Variants in RRAGB observed in about 807,000 individuals in gnomAD.
RRAGB encodes the protein ras-related GTP-binding protein B.
In RRAGB, 6 loss-of-function variants were observed where a neutral mutation model predicts 29.3. That is an observed-to-expected ratio of 0.21 (90% CI 0.11 to 0.40). RRAGB has a LOEUF of 0.40. RRAGB is among the 10% of genes least tolerant of loss of function. RRAGB has a pLI of 1.00. For synonymous variants in RRAGB, 101 were observed against 92.5 expected (o/e 1.09, Z -0.53); for missense variants, 184 against 272.9 (o/e 0.67, Z 2.29).
chrX:55,729,128 A>G lies in RRAGB; in HGVS notation c.227-166A>G, dbSNP rs1159900067. On this transcript the variant is annotated intron_variant, in intron 3 of 9. Transcript: ENST00000374941. ...ATAGCCCAGGGTAGTTTAGGTGCCT[A>G]CCTTGCCACTAAACCACACTACTCA... is the stretch of plus-strand genomic sequence containing the variant. Among the ~76,000 whole-genome samples, 5 of 111,247 alleles carry G rather than the reference A, an allele frequency of 4.5e-5. No homozygotes were observed. The East Asian group carries it at 1.1e-3, about 25-fold the overall frequency.
At chrX:55,755,253 A>G (rs974856768) in intron 7 of RRAGB, 7 of 749,282 alleles carry the variant, frequency 9.3e-6, no homozygotes, top group African/African-American at 2.3e-5. Context: ...GCATCTGTAT[A>G]TTCAGCCTAT....
intron 3 of RRAGB, among the ~76,000 whole-genome samples, chrX:55,726,782 C>T (rs917371149): frequency 9.0e-6 from 1 of 111,528 alleles, no homozygotes; most frequent in African/African-American, 3.3e-5. Flanking sequence ...GTTACATATA[C>T]TTGGATACGT....
chrX:55,729,414 C>T lies in RRAGB; in HGVS notation c.293+54C>T, dbSNP rs941093679. 5.3e-5 allele frequency: 41 copies of T among 780,745 alleles called. No homozygotes were observed. The Admixed American group carries it at 9.5e-4, about 18-fold the overall frequency. The allele number at this position is 780,745 out of a possible 1,213,427, so 64.3% of individuals were successfully genotyped here. The stretch of plus-strand genomic sequence containing the variant: ...AAGCCGATGTCAGTAATCGTGGCAT[C>T]TAGTATATCAGCATGGCGAATACAC... On this transcript the variant is annotated intron_variant, in intron 4 of 9. Coordinates refer to ENST00000374941, the MANE Select transcript of RRAGB (RefSeq NM_006064.5).
intron 6 of RRAGB, among the ~76,000 whole-genome samples, 164 bp from the exon 7 acceptor site, chrX:55,753,228 T>C (rs2034569424): frequency 8.9e-6 from 1 of 112,787 alleles, no homozygotes; most frequent in Non-Finnish European, 1.9e-5. Context: ...GCTAGCTTCA[T>C]TTTCTCATTT....
At chrX:55,755,802 ATTTT>A (rs1774381554) in intron 7 of RRAGB, 35 bp from the exon 8 acceptor site, 1 of 1,169,938 alleles carries the variant, frequency 8.5e-7, no homozygotes. Context: ...TGATGTAACT[ATTTT>A]GCATGGATTC....
chrX:55,720,730 TA>T (rs2033241317), intron 2 of RRAGB, among the ~76,000 whole-genome samples: 1 of 107,617 alleles, frequency 9.3e-6, no homozygotes, highest in Non-Finnish European at 1.9e-5. Flanking sequence ...TGCATGCCTG[TA>T]ATCCCAGGCA....
At chrX:55,740,847 C>G (rs1270171211) in intron 5 of RRAGB, among the ~76,000 whole-genome samples, 1 of 110,952 alleles carries the variant, frequency 9.0e-6, no homozygotes, top group Non-Finnish European at 1.9e-5. Flanking sequence ...CAAACAGTGA[C>G]TATGACTTTT....
At chrX:55,753,810 C>T (rs1411366917) in intron 7 of RRAGB, among the ~76,000 whole-genome samples, 1 of 111,910 alleles carries the variant, frequency 8.9e-6, no homozygotes, top group African/African-American at 3.2e-5. Flanking sequence ...TTTGGGAGGC[C>T]GAGGCGGGTG....
intron 5 of RRAGB, among the ~76,000 whole-genome samples, chrX:55,736,209 G>A (rs997331679): frequency 1.8e-5 from 2 of 111,952 alleles, no homozygotes; most frequent in African/African-American, 6.5e-5. Context: ...CAAGCTTTTT[G>A]CTTTTTCTTC....
At position 55,731,348 on chromosome X, in the gene RRAGB, A is replaced by G; in HGVS notation, c.294-16A>G. 2.6e-6 allele frequency: 3 copies of G among 1,145,058 alleles called. No individual in the cohort carries two copies. The highest frequency in any genetic ancestry group is 3.6e-6 in the Non-Finnish European group (3 of 841,018). 94.4% of individuals were successfully genotyped at this position (1,145,058 alleles called of 1,213,427 possible). ...AATTGAGGATTTGCTTACTATATAT[A>G]TATTTTTTCTATCAGGCAAGACACC... On this transcript the variant is annotated splice_polypyrimidine_tract_variant and intron_variant, in intron 4 of 9. Transcript: ENST00000374941.
At chrX:55,749,478 C>T (rs2034441353) in intron 5 of RRAGB, among the ~76,000 whole-genome samples, 1 of 110,418 alleles carries the variant, frequency 9.1e-6, no homozygotes, top group Admixed American at 9.4e-5. Flanking sequence ...TGTCCGGCCG[C>T]CCCTACTGGG....
At chrX:55,738,391 A>G (rs2033938748) in intron 5 of RRAGB, among the ~76,000 whole-genome samples, 1 of 111,987 alleles carries the variant, frequency 8.9e-6, no homozygotes, top group African/African-American at 3.2e-5. Context: ...GTGGATCTGG[A>G]CCAAGCTGTC....
At chrX:55,729,072 A>G (rs185687969) in intron 3 of RRAGB, among the ~76,000 whole-genome samples, 2 of 111,186 alleles carry the variant, frequency 1.8e-5, no homozygotes, top group African/African-American at 6.6e-5. Flanking sequence ...ACTACTAAAA[A>G]GTGAAATGAC....
intron 5 of RRAGB, among the ~76,000 whole-genome samples, chrX:55,745,631 G>A (rs2034218073): frequency 8.9e-6 from 1 of 112,018 alleles, no homozygotes; most frequent in Non-Finnish European, 1.9e-5. Flanking sequence ...GTCTGATGGT[G>A]GCACTAACCT....
chrX:55,730,749 G>C (rs1419068544), intron 4 of RRAGB, among the ~76,000 whole-genome samples: 1 of 111,733 alleles, frequency 8.9e-6, no homozygotes, highest in East Asian at 2.8e-4. Context: ...GATAGTAACA[G>C]ACATGGAACT....
chrX:55,751,706 T>C (rs1007153), intron 6 of RRAGB: 57,140 of 111,015 alleles, frequency 0.51, 12,957 homozygotes, highest in East Asian at 0.74. Context: ...GAGACAAGCA[T>C]TCTTTCAACC....
intron 3 of RRAGB, among the ~76,000 whole-genome samples, chrX:55,724,083 ATCC>A (rs991167528): frequency 2.7e-5 from 3 of 112,355 alleles, no homozygotes; most frequent in Non-Finnish European, 3.8e-5. Flanking sequence ...TCTAACATGT[ATCC>A]TCCTTTTTTG....
At chrX:55,756,902 C>G (rs1236785855) in intron 8 of RRAGB, among the ~76,000 whole-genome samples, 3 of 111,353 alleles carry the variant, frequency 2.7e-5, no homozygotes. Flanking sequence ...CTGCAATGAG[C>G]CATGATGGCA....
intron 5 of RRAGB, among the ~76,000 whole-genome samples, chrX:55,749,961 A>G (rs1404131779): frequency 1.9e-5 from 2 of 102,770 alleles, no homozygotes; most frequent in Admixed American, 1.1e-4. Flanking sequence ...TTCTTTGTTC[A>G]CTTGTTTATC....
Sources: allele counts gnomAD v4.1 joint callset (sites outside exome capture counted in the v4.1 genomes callset), GRCh38; gene constraint gnomAD v4.1.1; transcripts MANE v1.5; gene names NCBI Gene and HGNC (gene_info 2026-07-23, HGNC 2026-07-21).